Variants in SIPA1L2 observed in about 807,000 individuals in gnomAD.
The protein encoded by SIPA1L2 is signal induced proliferation associated 1 like 2.
SIPA1L2 carries 56 observed loss-of-function variants against 163.9 expected under a neutral mutation model. The ratio of observed to expected loss-of-function variants is 0.34; its 90% CI spans 0.28 to 0.43. The LOEUF (loss-of-function observed/expected upper bound fraction) is 0.43, where lower values mean the gene tolerates loss of function less well. SIPA1L2 is among the 20% of genes least tolerant of loss of function. The probability of loss-of-function intolerance (pLI) is 1.00; values close to 1 mark genes in which losing one functional copy is unlikely to be tolerated. For missense variants in SIPA1L2, 1,974 were observed against 2,193.5 expected (o/e 0.90, Z 2.00); for synonymous variants, 877 against 865.7 (o/e 1.01, Z -0.23).
intron 2 of SIPA1L2, among the ~76,000 whole-genome samples, chr1:232,566,086 A>G (rs1005225842): frequency 2.0e-5 from 3 of 152,206 alleles, no homozygotes; most frequent in Non-Finnish European, 4.4e-5. Context: ...AGATGTTGGA[A>G]ATTCAGTTTT....
At chr1:232,441,469 G>T in intron 13 of SIPA1L2, 75 bp from the exon 14 acceptor site, 1 of 1,237,388 alleles carries the variant, frequency 8.1e-7, no homozygotes, top group Non-Finnish European at 1.2e-6. Flanking sequence ...CCAGGAGTCA[G>T]ACAAGTGGTT....
chr1:232,579,189 A>C (rs1469983843), intron 1 of SIPA1L2, among the ~76,000 whole-genome samples: 1 of 152,240 alleles, frequency 6.6e-6, no homozygotes, highest in African/African-American at 2.4e-5. Flanking sequence ...AAGTGAAGGC[A>C]AACATTTTCT....
chr1:232,429,009 G>C (rs1010275871), intron 16 of SIPA1L2, among the ~76,000 whole-genome samples: 1 of 152,086 alleles, frequency 6.6e-6, no homozygotes, highest in Non-Finnish European at 1.5e-5. Flanking sequence ...GGGAGCCCGG[G>C]GTTTACGAGT....
chr1:232,487,569 TAC>T (rs1665705709), intron 5 of SIPA1L2, among the ~76,000 whole-genome samples: 1 of 152,202 alleles, frequency 6.6e-6, no homozygotes, highest in Admixed American at 6.5e-5. Flanking sequence ...ACACTTTGTT[TAC>T]AGTCATCCTC....
intron 19 of SIPA1L2, among the ~76,000 whole-genome samples, chr1:232,413,929 C>T (rs1266170510): frequency 6.6e-6 from 1 of 152,108 alleles, no homozygotes; most frequent in East Asian, 1.9e-4. Context: ...GTTACCTCCC[C>T]TCTGGGTTGC....
intron 17 of SIPA1L2, 70 bp downstream of exon 17, chr1:232,428,341 T>G (rs2102820630): frequency 7.5e-7 from 1 of 1,327,210 alleles, no homozygotes; most frequent in South Asian, 1.8e-5. Flanking sequence ...ACCTCTGAGT[T>G]TCTTTAGACT....
At chr1:232,442,359 C>G (rs1197504916) in intron 12 of SIPA1L2, among the ~76,000 whole-genome samples, 1 of 151,546 alleles carries the variant, frequency 6.6e-6, no homozygotes, top group Non-Finnish European at 1.5e-5. Flanking sequence ...ACCAGCCTGG[C>G]CAACATGGTG....
chr1:232,426,940 G>A (rs1357453893), intron 17 of SIPA1L2, among the ~76,000 whole-genome samples: 1 of 152,154 alleles, frequency 6.6e-6, no homozygotes, highest in Non-Finnish European at 1.5e-5. Context: ...CAAAGAAATG[G>A]CTATTTACAT....
rs780007901 is a variant in SIPA1L2, at chr1:232,425,761, C to A, written c.4458G>T (p.Thr1486=). The change falls in exon 18 of 23, where the codon ACG becomes ACT. Residue 1486 remains threonine (T), a synonymous_variant. Coordinates refer to ENST00000674635, the MANE Select transcript of SIPA1L2 (RefSeq NM_020808.5). ...NLSPRRSLYR[T]LSDESICSNR... is the part of the protein sequence containing the mutation. ...TGCTGCAGATGCTCTCGTCAGACAG[C>A]GTGCGGTAAAGCGACCTCCTTGGAG... 6.2e-7 allele frequency: 1 copy of A among 1,614,088 alleles called. No individual in the cohort carries two copies. The highest frequency in any genetic ancestry group is 1.1e-5 in the South Asian group (1 of 91,050).
chr1:232,401,093 A>G (rs545315250), intron 22 of SIPA1L2, among the ~76,000 whole-genome samples: 1 of 151,936 alleles, frequency 6.6e-6, no homozygotes, highest in South Asian at 2.1e-4. Context: ...TGCCCTGTAC[A>G]CGCCCCAGGG....
intron 10 of SIPA1L2, among the ~76,000 whole-genome samples, chr1:232,446,588 T>C (rs1173802703): frequency 6.6e-6 from 1 of 152,220 alleles, no homozygotes; most frequent in Non-Finnish European, 1.5e-5. Context: ...TTCAAGAAAG[T>C]GTTTGGTTAA....
intron 3 of SIPA1L2, among the ~76,000 whole-genome samples, chr1:232,495,302 G>A (rs1023025812): frequency 3.3e-5 from 5 of 152,228 alleles, no homozygotes; most frequent in South Asian, 4.1e-4. Context: ...GGTGGCTCAC[G>A]CCTGTAATCC....
intron 15 of SIPA1L2, among the ~76,000 whole-genome samples, chr1:232,438,185 G>C (rs1056349584): frequency 2.0e-5 from 3 of 152,146 alleles, no homozygotes; most frequent in African/African-American, 7.2e-5. Context: ...CTACAGGTCT[G>C]CCTTGAGCAC....
chr1:232,602,816 A>G (rs1360845702), intron 1 of SIPA1L2, among the ~76,000 whole-genome samples: 1 of 152,264 alleles, frequency 6.6e-6, no homozygotes, highest in Non-Finnish European at 1.5e-5. Context: ...AATGCCCAGT[A>G]TGGCAGCTAC....
At chr1:232,539,296 C>CT (rs751198025) in intron 2 of SIPA1L2, among the ~76,000 whole-genome samples, 1 of 152,204 alleles carries the variant, frequency 6.6e-6, no homozygotes, top group Non-Finnish European at 1.5e-5. Flanking sequence ...GCGAAACAAT[C>CT]TGAGTCCTTC....
intron 1 of SIPA1L2, among the ~76,000 whole-genome samples, chr1:232,623,012 G>A (rs1662895706): frequency 6.6e-6 from 1 of 152,194 alleles, no homozygotes; most frequent in African/African-American, 2.4e-5. Flanking sequence ...AAATGTCCCT[G>A]CCTGTTTGCT....
intron 1 of SIPA1L2, among the ~76,000 whole-genome samples, chr1:232,587,903 T>C (rs1363047445): frequency 6.6e-6 from 1 of 152,182 alleles, no homozygotes; most frequent in Admixed American, 6.5e-5. Flanking sequence ...CACTCTTCTC[T>C]TATCTGCCGC....
intron 12 of SIPA1L2, among the ~76,000 whole-genome samples, chr1:232,442,485 T>C (rs900386948): frequency 3.3e-5 from 5 of 149,446 alleles, no homozygotes; most frequent in African/African-American, 1.2e-4. Context: ...GAGGCAGAGG[T>C]TGCAGTGAGC....
intron 3 of SIPA1L2, among the ~76,000 whole-genome samples, chr1:232,505,982 G>A (rs983928248): frequency 3.9e-5 from 6 of 152,170 alleles, no homozygotes; most frequent in African/African-American, 1.4e-4. Flanking sequence ...CAAAGCAAAT[G>A]CAGCCATGCA....
Sources: allele counts gnomAD v4.1 joint callset (sites outside exome capture counted in the v4.1 genomes callset), GRCh38; gene constraint gnomAD v4.1.1; transcripts MANE v1.5; gene names NCBI Gene and HGNC (gene_info 2026-07-23, HGNC 2026-07-21).